Variants in LARGE1 observed in about 807,000 individuals in gnomAD.
LARGE1 encodes LARGE xylosyl- and glucuronyltransferase 1.
In LARGE1, 43 loss-of-function variants were observed where a neutral mutation model predicts 87.6. That is an observed-to-expected ratio of 0.49 (90% CI 0.38 to 0.63). The LOEUF (loss-of-function observed/expected upper bound fraction) is 0.63. Ranked by LOEUF, LARGE1 falls within the 30% of genes least tolerant of loss-of-function variation. The pLI is 0.00. For missense variants in LARGE1, 802 were observed against 1,000.2 expected, an observed-to-expected ratio of 0.80 and a Z score of 2.67; for synonymous variants, 434 against 394.6, an observed-to-expected ratio of 1.10 and a Z score of -1.18.
chr22:33,255,161 C>A (rs1315461911), intron 11 of LARGE1, among the ~76,000 whole-genome samples: 1 of 152,168 alleles, frequency 6.6e-6, no homozygotes, highest in Non-Finnish European at 1.5e-5. Context: ...TGGTCTTGAG[C>A]TCCTGACCTC....
chr22:33,639,442 G>T (rs1476415104), intron 3 of LARGE1, among the ~76,000 whole-genome samples: 1 of 152,160 alleles, frequency 6.6e-6, no homozygotes, highest in South Asian at 2.1e-4. Context: ...TGATTTTTCA[G>T]GTACCAGTGG....
chr22:33,569,516 G>T lies in LARGE1; in HGVS notation c.616-4497C>A, dbSNP rs371385071. Among the ~76,000 whole-genome samples the T allele has an allele frequency of 5.3e-5, 8 of 152,348 alleles. No homozygotes were observed. In the South Asian group the frequency reaches 1.0e-3, roughly 20 times the overall value. On this transcript the variant is annotated intron_variant, in intron 5 of 14. Transcript: ENST00000397394. ...AATGGGATGAGTTTGTATTCAGAAA[G>T]AAAGCCCCAGGAAAAGGTGGAAAAT...
the LARGE1 span, among the ~76,000 whole-genome samples, chr22:33,124,305 A>C: frequency 4.6e-4 from 60 of 129,406 alleles, no homozygotes; most frequent in African/African-American, 1.6e-3. Context: ...TCCATCTCAA[A>C]AGAAAAGAAA....
In LARGE1 at chr22:33,651,406, A is replaced by AG. The variant is rs1555984498; in HGVS notation, c.107-739_107-738insC. 7.0e-3 allele frequency among the ~76,000 whole-genome samples: 1,047 copies of AG among 149,776 alleles called. 15 individuals carry two copies. Among genetic ancestry groups the AG allele is most frequent in the East Asian group, 0.03 (151 of 5,060 alleles). On this transcript the variant is annotated intron_variant, in intron 2 of 14. Coordinates refer to ENST00000397394, the MANE Select transcript of LARGE1 (RefSeq NM_133642.5). ...CTCCGTCTCAAAAAAAAAAAAAAAA[A>AG]AAAAGAAAAAAGATAATAATAATGA...
At chr22:33,816,553 C>A (rs1006932888) in intron 1 of LARGE1, among the ~76,000 whole-genome samples, 1 of 152,056 alleles carries the variant, frequency 6.6e-6, no homozygotes, top group African/African-American at 2.4e-5. Flanking sequence ...CTCCTAATAC[C>A]CTCACACAGC....
intron 1 of LARGE1, among the ~76,000 whole-genome samples, chr22:33,852,757 GAGGC>G (rs2063632375): frequency 1.3e-5 from 2 of 150,730 alleles, no homozygotes; most frequent in South Asian, 4.2e-4. Flanking sequence ...TTGGGAGGCT[GAGGC>G]AGGAGAATTG....
chr22:33,122,428 G>A, the LARGE1 span, among the ~76,000 whole-genome samples: 2 of 148,188 alleles, frequency 1.3e-5, no homozygotes, highest in Non-Finnish European at 3.0e-5. Context: ...GCGCTATCTC[G>A]GTTCACTGCA....
chr22:33,476,393 C>A (rs767663975), intron 6 of LARGE1, among the ~76,000 whole-genome samples: 1 of 152,218 alleles, frequency 6.6e-6, no homozygotes, highest in Non-Finnish European at 1.5e-5. Context: ...CTCTTATCTA[C>A]CTATGACCTG....
At chr22:33,211,989 A>T (rs952708812) in intron 11 of LARGE1, among the ~76,000 whole-genome samples, 1 of 152,228 alleles carries the variant, frequency 6.6e-6, no homozygotes, top group African/African-American at 2.4e-5. Context: ...AGGAAGTTTG[A>T]AGCTAGCAGA....
intron 3 of LARGE1, among the ~76,000 whole-genome samples, chr22:33,646,594 GT>G (rs2080621587): frequency 9.1e-6 from 1 of 109,614 alleles, no homozygotes; most frequent in African/African-American, 2.6e-5. Context: ...AGAATTTAAA[GT>G]TTAAAAAAAA....
intron 1 of LARGE1, among the ~76,000 whole-genome samples, chr22:33,883,392 T>C (rs1213742884): frequency 2.0e-5 from 3 of 152,222 alleles, no homozygotes; most frequent in African/African-American, 7.2e-5. Flanking sequence ...TCTCAAAGCC[T>C]TCCAGTACTG....
intron 6 of LARGE1, among the ~76,000 whole-genome samples, chr22:33,484,911 G>GT (rs545498648): frequency 0.061 from 7,902 of 130,342 alleles, 628 homozygotes; most frequent in African/African-American, 0.17. Flanking sequence ...TAATGAGGTG[G>GT]TTTTTTTTTT....
At chr22:33,364,216 G>A (rs539555819) in intron 9 of LARGE1, among the ~76,000 whole-genome samples, 6 of 152,156 alleles carry the variant, frequency 3.9e-5, no homozygotes, top group Non-Finnish European at 7.4e-5. Context: ...CACCACGCCC[G>A]GCTAATTTTT....
chr22:33,733,750 T>A (rs141245661), intron 2 of LARGE1: 1 of 152,188 alleles, frequency 6.6e-6, no homozygotes, highest in Non-Finnish European at 1.5e-5. Context: ...TTTAGGGAGA[T>A]AGACAAACAG....
intron 1 of LARGE1, among the ~76,000 whole-genome samples, chr22:33,875,361 C>A (rs2146710899): frequency 6.6e-6 from 1 of 152,312 alleles, no homozygotes; most frequent in Admixed American, 6.5e-5. Flanking sequence ...GAATTGTTGG[C>A]AAATCTCTCT....
intron 11 of LARGE1, among the ~76,000 whole-genome samples, chr22:33,267,365 T>C (rs6518816): frequency 0.28 from 41,823 of 151,598 alleles, 12,347 homozygotes; most frequent in African/African-American, 0.74. Flanking sequence ...TGCTTAAAGA[T>C]AGCTCTGAAC....
intron 1 of LARGE1, among the ~76,000 whole-genome samples, chr22:33,833,094 C>T (rs1183448966): frequency 1.3e-5 from 2 of 152,168 alleles, no homozygotes; most frequent in African/African-American, 4.8e-5. Flanking sequence ...GCACTGTGCT[C>T]ACCAAGCAGA....
chr22:33,368,321 G>T (rs560854498), intron 9 of LARGE1, among the ~76,000 whole-genome samples: 18 of 152,200 alleles, frequency 1.2e-4, no homozygotes, highest in African/African-American at 4.3e-4. Flanking sequence ...ATCACCTGAG[G>T]TCAAGAGTTT....
chr22:33,094,892 A>AT, the LARGE1 span, among the ~76,000 whole-genome samples: 21 of 152,020 alleles, frequency 1.4e-4, no homozygotes, highest in East Asian at 3.7e-3. Flanking sequence ...CTAATTTTGT[A>AT]TTTTTTAGTA....
Sources: gnomAD v4.1 joint callset for allele counts (sites outside exome capture counted in the v4.1 genomes callset) on GRCh38, gnomAD v4.1.1 for gene constraint, MANE v1.5 for transcripts, NCBI Gene and HGNC (gene_info 2026-07-23, HGNC 2026-07-21) for gene names.